EPHB4: variants seen among roughly 807,000 people sequenced by gnomAD.
The protein encoded by EPHB4 is EPH receptor B4.
Under a neutral mutation model 110.6 loss-of-function variants are expected in EPHB4, and 50 were observed. That is an observed-to-expected ratio of 0.45 (90% confidence interval 0.36 to 0.57). The LOEUF is 0.57. Ranked by LOEUF, EPHB4 falls within the 20% of genes least tolerant of loss-of-function variation. The probability of loss-of-function intolerance (pLI) is 0.00; values close to 1 mark genes in which losing one functional copy is unlikely to be tolerated. For missense variants in EPHB4, 1,128 were observed against 1,382.1 expected, an observed-to-expected ratio of 0.82 and a Z score of 2.91; for synonymous variants, 592 against 578.4, an observed-to-expected ratio of 1.02 and a Z score of -0.34.
chr7:100,823,551 GCCT>G, intron 3 of EPHB4, 90 bp downstream of exon 3: 1 of 1,506,594 alleles, frequency 6.6e-7, no homozygotes, highest in Non-Finnish European at 8.9e-7. Context: ...CGGGCCAGAG[GCCT>G]CGCAACTACA....
At chr7:100,826,022 GCCGCTGAATCCTTCCCTTTGGGAGT>G (rs1813380971) in intron 1 of EPHB4, among the ~76,000 whole-genome samples, 1 of 152,180 alleles carries the variant, frequency 6.6e-6, no homozygotes, top group Non-Finnish European at 1.5e-5. Flanking sequence ...TTTTTCTAAC[GCCGCTGAATCCTTCCCTTTGGGAGT>G]CCCTCATAGC....
At chr7:100,826,861 G>T in intron 1 of EPHB4, 118 bp downstream of exon 1, 6 of 1,136,072 alleles carry the variant, frequency 5.3e-6, no homozygotes, top group African/African-American at 1.6e-5. Flanking sequence ...CGAAGTGTTT[G>T]GGACTGCAGT....
chr7:100,806,890 G>C (rs374122013), intron 13 of EPHB4, among the ~76,000 whole-genome samples: 2 of 151,980 alleles, frequency 1.3e-5, no homozygotes, highest in East Asian at 3.9e-4. Flanking sequence ...GGCTGGTCTC[G>C]AACTCCTGAC....
At chr7:100,813,285 C>A in intron 10 of EPHB4, 77 bp from the exon 11 acceptor site, 1 of 1,140,564 alleles carries the variant, frequency 8.8e-7, no homozygotes, top group South Asian at 1.5e-5. Flanking sequence ...TAGCTTTTAG[C>A]CCCAAACCCC....
chr7:100,817,392 G>A (rs914850281), intron 7 of EPHB4, 35 bp from the exon 8 acceptor site: 18 of 1,511,224 alleles, frequency 1.2e-5, no homozygotes, highest in Admixed American at 4.6e-5. Flanking sequence ...GCCGTCACCC[G>A]GGAACCCAAG....
rs1173336501 is a variant in EPHB4 at position 100,803,575 on chromosome 7, G to A, written c.2850C>T (p.Ile950=). ...TCTGGTGTCCCGCCAGAGTGACTCC[G>A]ATTCGGAGCAGGTCCCTGCAGAAGG... ...SQISAEDLLR[I]GVTLAGHQKK... Residue 950 remains isoleucine, a synonymous_variant, in exon 17 of 17, where the codon ATC becomes ATT. Transcript: ENST00000358173. The A allele has an allele frequency of 3.1e-6, 5 of 1,605,902 alleles. No homozygotes were observed. The highest frequency in any genetic ancestry group is 2.2e-5 in the South Asian group (2 of 89,652).
At chr7:100,825,627 T>A (rs1324228157) in intron 1 of EPHB4, 1 of 152,396 alleles carries the variant, frequency 6.6e-6, no homozygotes, top group Non-Finnish European at 1.5e-5. Context: ...TCGCTGTTCC[T>A]CGCGGCACAG....
chr7:100,803,712 G>A, intron 16 of EPHB4, 122 bp from the exon 17 acceptor site: 17 of 1,279,524 alleles, frequency 1.3e-5, no homozygotes, highest in Non-Finnish European at 1.7e-5. Context: ...AGCGGGGGAG[G>A]GAGAACAGAT....
Position 100,822,537 on chromosome 7 carries a change from T to C in EPHB4, c.542A>G (p.Gln181Arg). The C allele has an allele frequency of 6.2e-7, 1 of 1,613,374 alleles. No homozygotes were observed. Among genetic ancestry groups the C allele is most frequent in the Non-Finnish European group, 8.5e-7 (1 of 1,179,946 alleles). Residue 181 changes from glutamine (Q) to arginine (R), a missense_variant, in exon 4 of 17, where the codon CAG (glutamine) becomes CGG (arginine). Physicochemically the swap from Gln to Arg is conservative, Grantham distance 43. This residue lies in a region of EPHB4 where 728 missense variants were observed against 828.6 expected (regional missense o/e 0.88). Coordinates refer to ENST00000358173, the MANE Select transcript of EPHB4 (RefSeq NM_004444.5). This position sits in a 1 kb window ranked among gnomAD's most constrained non-coding sequence, Gnocchi z 4.7. ...GGATAGCAGGGCCATGCAGGCACCC[T>C]GGTCCTGGAAGGCCAGGTAGAAGCC... ...KAGFYLAFQDQGACMALLSLH... is the reference protein window; with the variant it reads ...KAGFYLAFQDRGACMALLSLH...
rs895210310 is a variant in EPHB4, at chr7:100,803,179, A to G, written c.*282T>C. 1.1e-5 allele frequency: 3 copies of G among 261,632 alleles called. No individual in the cohort carries two copies. Among genetic ancestry groups the G allele is most frequent in the Non-Finnish European group, 2.2e-5 (3 of 138,636 alleles). 16.2% of individuals were successfully genotyped at this position (261,632 alleles called of 1,614,324 possible). A position where few individuals can be genotyped will look rare whatever the true frequency, so the allele number is the denominator to read the frequency against. ...ATCAAGGTGAGGGGGGCACCTGGGG[A>G]GGCTGGGAGATGTTGGGCACTTCCT... On this transcript the variant is annotated 3_prime_UTR_variant, in exon 17 of 17. Coordinates refer to ENST00000358173, the MANE Select transcript of EPHB4 (RefSeq NM_004444.5).
chr7:100,805,407 G>A, intron 15 of EPHB4, 86 bp from the exon 16 acceptor site: 2 of 1,587,718 alleles, frequency 1.3e-6, no homozygotes, highest in Non-Finnish European at 1.7e-6. Flanking sequence ...GAGGCGGACA[G>A]AGGCCCTCCC....
At chr7:100,804,287 C>G (rs984646149) in intron 16 of EPHB4, among the ~76,000 whole-genome samples, 4 of 151,054 alleles carry the variant, frequency 2.6e-5, no homozygotes, top group African/African-American at 9.8e-5. Flanking sequence ...AGGCGTGAGC[C>G]ACCACCTGGC....
At chr7:100,813,303 G>GT in intron 10 of EPHB4, 95 bp from the exon 11 acceptor site, 2 of 733,360 alleles carry the variant, frequency 2.7e-6, no homozygotes, top group Non-Finnish European at 4.0e-6. Context: ...CCCTGTCTCC[G>GT]TGGTTTTTTT....
At chr7:100,826,822 GCCCCCCT>G in intron 1 of EPHB4, 150 bp downstream of exon 1, 2 of 700,096 alleles carry the variant, frequency 2.9e-6, no homozygotes, top group South Asian at 8.4e-5. Context: ...CCTCTTCCCC[GCCCCCCT>G]CCCGTTCCAG....
chr7:100,823,588 C>T, intron 3 of EPHB4, 56 bp downstream of exon 3: 3 of 1,582,304 alleles, frequency 1.9e-6, no homozygotes, highest in East Asian at 2.3e-5. Context: ...AGGCCACGGG[C>T]CTGCTGGCTG....
intron 1 of EPHB4, chr7:100,826,733 C>T (rs919291912): frequency 9.4e-6 from 4 of 423,670 alleles, no homozygotes; most frequent in African/African-American, 4.0e-5. Context: ...TCGGGGAGCC[C>T]GGGCAGGGGA....
At chr7:100,826,879 T>C in intron 1 of EPHB4, 100 bp downstream of exon 1, 3 of 1,242,036 alleles carry the variant, frequency 2.4e-6, no homozygotes, top group Non-Finnish European at 2.2e-6. Flanking sequence ...AGTGCCCGGG[T>C]AGGGGTAGTC....
chr7:100,804,966 T>C (rs1244925870), intron 16 of EPHB4, among the ~76,000 whole-genome samples, 200 bp downstream of exon 16: 1 of 152,186 alleles, frequency 6.6e-6, no homozygotes. Context: ...GCGGGCAGGC[T>C]GGCCCCAAAG....
chr7:100,824,463 C>T, intron 1 of EPHB4, 190 bp from the exon 2 acceptor site: 1 of 603,036 alleles, frequency 1.7e-6, no homozygotes, highest in South Asian at 2.0e-5. Context: ...GTGCCAACCC[C>T]ACCCCCAACA....
Sources: allele counts gnomAD v4.1 joint callset (sites outside exome capture counted in the v4.1 genomes callset), GRCh38; gene constraint gnomAD v4.1.1; regional missense constraint gnomAD v4.1.1; non-coding constraint Gnocchi (gnomAD v3.1); transcripts MANE v1.5; gene names NCBI Gene and HGNC (gene_info 2026-07-23, HGNC 2026-07-21).